The following CEP97 variants were observed in gnomAD, a reference collection of about 807,000 sequenced individuals.
CEP97 encodes centrosomal protein of 97 kDa.
A neutral mutation model predicts 73.1 loss-of-function variants in CEP97; 43 were observed. The ratio of observed to expected loss-of-function variants is 0.59; its 90% CI spans 0.46 to 0.76. The LOEUF (loss-of-function observed/expected upper bound fraction) is 0.76. CEP97 is among the 30% of genes least tolerant of loss of function. The pLI is 0.00. For synonymous variants in CEP97, 337 were observed against 370.0 expected, an observed-to-expected ratio of 0.91 and a Z score of 1.02; for missense variants, 939 against 1,014.0, an observed-to-expected ratio of 0.93 and a Z score of 1.00.
chr3:101,750,669 A>G (rs936798825), intron 6 of CEP97, among the ~76,000 whole-genome samples: 11 of 152,004 alleles, frequency 7.2e-5, no homozygotes, highest in Non-Finnish European at 1.5e-4. Context: ...GAATTTATCC[A>G]TTTCTTCTTG....
chr3:101,754,244 G>A (rs13065944), intron 6 of CEP97, among the ~76,000 whole-genome samples: 47,819 of 151,258 alleles, frequency 0.32, 7,781 homozygotes, highest in Non-Finnish European at 0.35. Flanking sequence ...TTTTGAAGCG[G>A]ATCTCAGATT....
intron 6 of CEP97, among the ~76,000 whole-genome samples, chr3:101,754,173 C>CA (rs1938940418): frequency 6.6e-6 from 1 of 151,494 alleles, no homozygotes; most frequent in Non-Finnish European, 1.5e-5. Flanking sequence ...CAAGCATAAG[C>CA]CACCATACCT....
At chr3:101,761,883 T>C (rs1483045312) in intron 9 of CEP97, among the ~76,000 whole-genome samples, 1 of 152,148 alleles carries the variant, frequency 6.6e-6, no homozygotes, top group Non-Finnish European at 1.5e-5. Context: ...GGCCTAAGTA[T>C]GGAGAGAACA....
chr3:101,755,460 C>T lies in CEP97; in HGVS notation c.759C>T (p.Gly253=), dbSNP rs750105600. 5.0e-6 allele frequency: 8 copies of T among 1,614,086 alleles called. No homozygotes were observed. The South Asian group carries it at 8.8e-5, about 18-fold the overall frequency. Residue 253 remains glycine, a synonymous_variant, in exon 7 of 11, where the codon GGC becomes GGT. Transcript: ENST00000341893. ...AAGCTGAATGGCTCTATAGTCAAGGCAAGGGGAGAGCATATCGGCCTGGCC... is the reference window on the plus strand; with the variant it reads ...AAGCTGAATGGCTCTATAGTCAAGGTAAGGGGAGAGCATATCGGCCTGGCC... The part of the protein sequence containing the change: ...SLKAEWLYSQ[G]KGRAYRPGQH...
At chr3:101,726,804 C>G (rs1937907422) in intron 2 of CEP97, 68 bp downstream of exon 2, 2 of 1,231,642 alleles carry the variant, frequency 1.6e-6, no homozygotes, top group Non-Finnish European at 1.1e-6. Context: ...AATAAAATAA[C>G]CTGACAAAAA....
intron 9 of CEP97, chr3:101,759,256 A>C (rs142403602): frequency 2.2e-4 from 34 of 152,352 alleles, no homozygotes; most frequent in African/African-American, 7.2e-4. Flanking sequence ...TAAAGAAAAA[A>C]GGTGCCTAGG....
Position 101,724,735 on chromosome 3 carries a change from C to T in CEP97, c.43+16C>T, listed in dbSNP as rs1232597448. The T allele has an allele frequency of 1.9e-6, 3 of 1,613,792 alleles. No individual in the cohort carries two copies. The highest frequency in any genetic ancestry group is 1.1e-5 in the South Asian group (1 of 91,070). On this transcript the variant is annotated intron_variant, in intron 1 of 10. Transcript: ENST00000341893. ...CCCGGAGAAGGTAAGGCGATCCCTACCCCGAGTCCTAAGGTTTACTTCACG... is the reference window on the plus strand; with the variant it reads ...CCCGGAGAAGGTAAGGCGATCCCTATCCCGAGTCCTAAGGTTTACTTCACG...
At chr3:101,752,973 G>C (rs1023407891) in intron 6 of CEP97, among the ~76,000 whole-genome samples, 56 of 152,206 alleles carry the variant, frequency 3.7e-4, no homozygotes, top group African/African-American at 1.3e-3. Context: ...AGGTGCTCTG[G>C]TTTTTAGAGT....
rs374514101 is a variant in CEP97 at position 101,762,574 on chromosome 3, T to A, written c.1893+14T>A. 3 of 1,587,564 alleles carry A rather than the reference T, an allele frequency of 1.9e-6. No individual in the cohort carries two copies. The highest frequency in any genetic ancestry group is 2.6e-6 in the Non-Finnish European group (3 of 1,159,966). ...CTTTGGAACCAGGTAAACTCCCTCC[T>A]GCTGATTTACCTCATATATGATCAA... On this transcript the variant is annotated intron_variant, in intron 10 of 10. Transcript: ENST00000341893.
intron 10 of CEP97, among the ~76,000 whole-genome samples, chr3:101,764,215 C>T (rs929033295): frequency 2.6e-5 from 4 of 152,132 alleles, no homozygotes; most frequent in Admixed American, 1.3e-4. Context: ...GCCCGTAATC[C>T]CAGCACTTGG....
At chr3:101,754,172 G>A (rs1456098527) in intron 6 of CEP97, among the ~76,000 whole-genome samples, 1 of 146,802 alleles carries the variant, frequency 6.8e-6, no homozygotes. Context: ...ACAAGCATAA[G>A]CCACCATACC....
Position 101,757,947 on chromosome 3 carries a change from G to T in CEP97, c.1341G>T (p.Val447=), listed in dbSNP as rs1482039824. The change falls in exon 9 of 11, where the codon GTG becomes GTT. Residue 447 remains valine (V), a synonymous_variant. Coordinates refer to ENST00000341893, the MANE Select transcript of CEP97 (RefSeq NM_024548.4). ...DESVKGLESQ[V]LDKEEEQPLW... is the part of the protein sequence containing the mutation. ...CTGTGAAAGGGCTGGAAAGCCAGGTGTTGGATAAGGAAGAGGAACAGCCTT... is the reference window on the plus strand; with the variant it reads ...CTGTGAAAGGGCTGGAAAGCCAGGTTTTGGATAAGGAAGAGGAACAGCCTT... 1.2e-6 allele frequency: 2 copies of T among 1,614,252 alleles called. No individual in the cohort carries two copies. Among genetic ancestry groups the T allele is most frequent in the Admixed American group, 3.3e-5 (2 of 60,028 alleles).
intron 6 of CEP97, among the ~76,000 whole-genome samples, chr3:101,743,366 G>A (rs1225875833): frequency 6.6e-6 from 1 of 151,350 alleles, no homozygotes; most frequent in Non-Finnish European, 1.5e-5. Flanking sequence ...TGGTTATTAT[G>A]GCATCTTCAA....
intron 6 of CEP97, among the ~76,000 whole-genome samples, chr3:101,742,146 G>A (rs1938480045): frequency 1.3e-5 from 2 of 152,136 alleles, no homozygotes; most frequent in African/African-American, 4.8e-5. Flanking sequence ...TGGTGGGAGT[G>A]TAAGTTCAAT....
chr3:101,729,364 A>C (rs1296529247), intron 4 of CEP97, among the ~76,000 whole-genome samples: 2 of 152,112 alleles, frequency 1.3e-5, no homozygotes, highest in East Asian at 3.8e-4. Flanking sequence ...ATTATGTTAG[A>C]ATACCAGAAA....
At chr3:101,740,161 G>C (rs1938404979) in intron 6 of CEP97, among the ~76,000 whole-genome samples, 1 of 152,112 alleles carries the variant, frequency 6.6e-6, no homozygotes, top group South Asian at 2.1e-4. Context: ...AGGGTATTCA[G>C]ATAGGAAGAG....
intron 1 of CEP97, among the ~76,000 whole-genome samples, chr3:101,725,416 G>C (rs1324102258): frequency 3.3e-5 from 5 of 152,182 alleles, no homozygotes; most frequent in African/African-American, 1.2e-4. Context: ...CTAAATCGGG[G>C]ACAGGGCCCA....
At position 101,765,614 on chromosome 3, in the gene CEP97, C is replaced by CT. The variant is rs1294385140; in HGVS notation, c.*71dup. The CT allele has an allele frequency of 1.2e-4, 160 of 1,390,958 alleles. No individual in the cohort carries two copies. Among genetic ancestry groups the CT allele is most frequent in the Non-Finnish European group, 1.4e-4 (142 of 1,020,152 alleles). The allele number at this position is 1,390,958 out of a possible 1,614,324, so 86.2% of individuals were successfully genotyped here. The stretch of plus-strand genomic sequence containing the variant: ...TTAAAAATACTTTCAGTTGCCTTTG[C>CT]TTTTTTTTGGAGGGAAATACTCCCT... On this transcript the variant is annotated 3_prime_UTR_variant, in exon 11 of 11. Transcript: ENST00000341893.
chr3:101,758,336 A>G lies in CEP97; in HGVS notation c.1730A>G (p.Tyr577Cys), dbSNP rs139577624. Residue 577 changes from tyrosine (Y) to cysteine (C), a missense_variant, in exon 9 of 11, where the codon TAC (tyrosine) becomes TGC (cysteine). Tyr to Cys is a radical substitution (Grantham distance 194). Coordinates refer to ENST00000341893, the MANE Select transcript of CEP97 (RefSeq NM_024548.4). ...TGGCGGGGATTTTATGCCAGGAACT[A>G]CAACCCTCAAGCCAAAGATGTGCGT... ...ACWRGFYARNYNPQAKDVRYE... is the reference protein window; with the variant it reads ...ACWRGFYARNCNPQAKDVRYE... 5.5e-5 allele frequency: 88 copies of G among 1,614,252 alleles called. No individual in the cohort carries two copies. The African/African-American group carries it at 1.1e-3, about 19-fold the overall frequency.
Sources: gnomAD v4.1 joint callset for allele counts (sites outside exome capture counted in the v4.1 genomes callset) on GRCh38, gnomAD v4.1.1 for gene constraint, MANE v1.5 for transcripts, NCBI Gene and HGNC (gene_info 2026-07-23, HGNC 2026-07-21) for gene names.